The following RNF123 variants were observed in gnomAD, a reference collection of about 807,000 sequenced individuals.
RNF123 encodes E3 ubiquitin-protein ligase RNF123.
Under a neutral mutation model 168.5 loss-of-function variants are expected in RNF123, and 86 were observed. The observed-to-expected ratio is 0.51, with a 90% CI of 0.43 to 0.61. RNF123 has a LOEUF of 0.61. Ranked by LOEUF, RNF123 falls within the 20% of genes least tolerant of loss-of-function variation. The pLI is 0.00. For synonymous variants in RNF123, 666 were observed against 689.1 expected, an observed-to-expected ratio of 0.97 and a Z score of 0.52; for missense variants, 1,419 against 1,729.7, an observed-to-expected ratio of 0.82 and a Z score of 3.19.
rs371379790 is a variant in RNF123, at chr3:49,718,599, G to T, written c.3501-1912G>T. On this transcript the variant is annotated intron_variant, in intron 35 of 38. Transcript: ENST00000327697. ...GCCTCAGGGACCGACCCACCAGCGC[G>T]TACAGGTGCTCTTCCGGCCGCTCTA... 8 of 1,612,912 alleles carry T rather than the reference G, an allele frequency of 5.0e-6. No individual in the cohort carries two copies. In the African/African-American group the frequency reaches 9.3e-5, roughly 19 times the overall value.
In RNF123 at chr3:49,715,919, G is replaced by A. The variant is rs1337238409; in HGVS notation, c.3248G>A (p.Arg1083His). Residue 1083 changes from arginine (R) to histidine (H), a missense_variant, in exon 33 of 39, where the codon CGT (arginine) becomes CAT (histidine). Around this residue, in one of 5 missense-constraint regions of RNF123, gnomAD observed 538 missense variants for 708.8 expected, o/e 0.76. Coordinates refer to ENST00000327697, the MANE Select transcript of RNF123 (RefSeq NM_022064.5). ...TTTGACCTCTCGGTCAGCCTGCTGC[G>A]TGTCTTGGAGATGACTATCACACTG... Reference protein sequence around the residue: ...TCFDLSVSLLRVLEMTITLVP... With the variant: ...TCFDLSVSLLHVLEMTITLVP... 18 of 1,613,978 alleles carry A rather than the reference G, an allele frequency of 1.1e-5. No homozygotes were observed. The highest frequency in any genetic ancestry group is 1.6e-4 in the Middle Eastern group (1 of 6,084).
intron 24 of RNF123, 22 bp downstream of exon 24, chr3:49,705,701 C>T (rs749127340): frequency 1.2e-6 from 2 of 1,613,882 alleles, no homozygotes; most frequent in Admixed American, 1.7e-5. Context: ...TTGGACCCCG[C>T]ATTGGGTGGC....
rs769101185 is a variant in RNF123, at chr3:49,720,790, C to G, written c.3644-10C>G. On this transcript the variant is annotated splice_polypyrimidine_tract_variant and intron_variant, in intron 36 of 38. Transcript: ENST00000327697. ...CTACCTCTGACTTGACACTACCTAC[C>G]ACTCCCCAGATGCGGATTATATCAG... 6 of 1,614,094 alleles carry G rather than the reference C, an allele frequency of 3.7e-6. No individual in the cohort carries two copies. The highest frequency in any genetic ancestry group is 3.4e-6 in the Non-Finnish European group (4 of 1,179,948).
intron 35 of RNF123, chr3:49,719,748 T>G: frequency 3.0e-5 from 11 of 362,798 alleles, no homozygotes; most frequent in East Asian, 4.9e-5. Context: ...CTCCTATTGG[T>G]TCCCGTTTGA....
At chr3:49,720,333 AC>A in intron 35 of RNF123, 177 bp from the exon 36 acceptor site, 8 of 502,236 alleles carry the variant, frequency 1.6e-5, no homozygotes, top group East Asian at 3.4e-5. Context: ...AAAAAAAAAA[AC>A]AGGCTGTGTG....
At chr3:49,711,255 G>C (rs932619497) in intron 26 of RNF123, among the ~76,000 whole-genome samples, 1 of 152,210 alleles carries the variant, frequency 6.6e-6, no homozygotes, top group African/African-American at 2.4e-5. Context: ...GTTACAGTGA[G>C]CTGTGATTGT....
chr3:49,710,272 G>T (rs2080118720), intron 26 of RNF123, among the ~76,000 whole-genome samples: 2 of 152,138 alleles, frequency 1.3e-5, no homozygotes, highest in South Asian at 4.1e-4. Flanking sequence ...CATATCTTTT[G>T]TTTGTTGGTT....
chr3:49,699,870 T>C lies in RNF123; in HGVS notation c.984+98T>C. On this transcript the variant is annotated intron_variant, in intron 12 of 38. Coordinates refer to ENST00000327697, the MANE Select transcript of RNF123 (RefSeq NM_022064.5). The surrounding 1 kb of genome is among the most constrained non-coding windows in gnomAD (Gnocchi z 4.8). ...CTCACTGAGGGCTGCAGTGCTGAGG[T>C]CCCACAGCATCACCTGGCGAGGGCC... 1 of 1,231,066 alleles carries C rather than the reference T, an allele frequency of 8.1e-7. No individual in the cohort carries two copies. The highest frequency in any genetic ancestry group is 1.2e-6 in the Non-Finnish European group (1 of 857,710). The allele number at this position is 1,231,066 out of a possible 1,614,324, so 76.3% of individuals were successfully genotyped here.
chr3:49,715,458 C>T (rs2080220493), intron 31 of RNF123, 117 bp from the exon 32 acceptor site: 2 of 1,274,610 alleles, frequency 1.6e-6, no homozygotes, highest in Non-Finnish European at 1.1e-6. Context: ...CCTGAGCATT[C>T]CTAGGGAGCC....
intron 35 of RNF123, chr3:49,716,797 GC>G (rs917372867): frequency 6.4e-6 from 2 of 313,346 alleles, no homozygotes; most frequent in Non-Finnish European, 1.2e-5. Flanking sequence ...GGGCCAGGCC[GC>G]CAGGAGAGCT....
At position 49,691,529 on chromosome 3, in the gene RNF123, C is replaced by G. The variant is rs1286438435; in HGVS notation, c.167+20C>G. On this transcript the variant is annotated intron_variant, in intron 3 of 38. Coordinates refer to ENST00000327697, the MANE Select transcript of RNF123 (RefSeq NM_022064.5). ...CAGCAGGTATGGCTGGGTGGGTGGC[C>G]CCTCCTCACTCTGCTGGGCCAGACC... 6.2e-7 allele frequency: 1 copy of G among 1,602,628 alleles called. No individual in the cohort carries two copies.
intron 35 of RNF123, chr3:49,717,015 A>G (rs1180142803): frequency 6.5e-6 from 1 of 154,966 alleles, no homozygotes; most frequent in Non-Finnish European, 1.4e-5. Context: ...CGCCTCAGCC[A>G]TTAGGCTGAG....
In RNF123 at chr3:49,699,078, C is replaced by G; in HGVS notation, c.737C>G (p.Ala246Gly). 1 of 1,613,734 alleles carries G rather than the reference C, an allele frequency of 6.2e-7. No homozygotes were observed. The highest frequency in any genetic ancestry group is 1.1e-5 in the South Asian group (1 of 91,088). ...AGCCTCTCTTTCAAGGAGTCCGTGG[C>G]CTTCAACTTTGGCAGCCGTCCTCTG... is the stretch of plus-strand genomic sequence containing the variant. ...AISLSFKESVAFNFGSRPLRY... is the reference protein window; with the variant it reads ...AISLSFKESVGFNFGSRPLRY... Residue 246 changes from alanine to glycine, a missense_variant, in exon 10 of 39, where the codon GCC (alanine) becomes GGC (glycine). By Grantham distance (60) the Ala-to-Gly change is moderately conservative (BLOSUM62 0). This residue lies in a region of RNF123 where 318 missense variants were observed against 446.6 expected (regional missense o/e 0.71). Transcript: ENST00000327697. The surrounding 1 kb of genome is among the most constrained non-coding windows in gnomAD (Gnocchi z 4.8).
At chr3:49,695,276 T>C (rs1188191893) in intron 3 of RNF123, among the ~76,000 whole-genome samples, 2 of 152,112 alleles carry the variant, frequency 1.3e-5, no homozygotes, top group Non-Finnish European at 2.9e-5. Context: ...CTAATTTTTT[T>C]TTTTTAAGAG....
Position 49,697,184 on chromosome 3 carries a change from A to C in RNF123, c.209A>C (p.Gln70Pro). 6.2e-7 allele frequency: 1 copy of C among 1,614,152 alleles called. No homozygotes were observed. The highest frequency in any genetic ancestry group is 1.1e-5 in the South Asian group (1 of 91,080). The change falls in exon 4 of 39, where the codon CAG (glutamine) becomes CCG (proline). Residue 70 changes from glutamine (Q) to proline (P), a missense_variant. Physicochemically the swap from Gln to Pro is moderately conservative, Grantham distance 76. This residue lies in a region of RNF123 where 318 missense variants were observed against 446.6 expected (regional missense o/e 0.71). Transcript: ENST00000327697. ...NFQNLPEHLD[Q>P]LLQVDNEEEE... ...CAGAACCTGCCAGAACATTTGGACCAGTTGCTACAGGTGGACAATGAGGAG... is the reference window on the plus strand; with the variant it reads ...CAGAACCTGCCAGAACATTTGGACCCGTTGCTACAGGTGGACAATGAGGAG...
chr3:49,714,040 G>C, intron 30 of RNF123, 43 bp downstream of exon 30: 1 of 1,613,800 alleles, frequency 6.2e-7, no homozygotes, highest in Middle Eastern at 1.7e-4. Flanking sequence ...TGGCTGGAGG[G>C]AGAGGGTGCG....
At chr3:49,717,322 G>C (rs1388191474) in intron 35 of RNF123, 2 of 157,410 alleles carry the variant, frequency 1.3e-5, no homozygotes, top group African/African-American at 4.8e-5. Flanking sequence ...CGGACTCTGC[G>C]TGAAGTTGTG....
intron 26 of RNF123, among the ~76,000 whole-genome samples, chr3:49,709,728 C>T (rs139815989): frequency 4.5e-4 from 69 of 152,234 alleles, no homozygotes; most frequent in Admixed American, 1.4e-3. Flanking sequence ...CGTGAGCCAT[C>T]GCGCCCTGCA....
intron 36 of RNF123, 41 bp from the exon 37 acceptor site, chr3:49,720,759 C>A (rs543562624): frequency 4.3e-6 from 7 of 1,612,060 alleles, no homozygotes; most frequent in Admixed American, 1.7e-5. Flanking sequence ...GGCATCACAT[C>A]CTCAGCTACC....
Sources: allele counts gnomAD v4.1 joint callset (sites outside exome capture counted in the v4.1 genomes callset), GRCh38; gene constraint gnomAD v4.1.1; regional missense constraint gnomAD v4.1.1; non-coding constraint Gnocchi (gnomAD v3.1); transcripts MANE v1.5; gene names NCBI Gene and HGNC (gene_info 2026-07-23, HGNC 2026-07-21).